GLRA1: variants seen among roughly 807,000 people sequenced by gnomAD.
GLRA1 encodes the protein glycine receptor alpha 1, also known as glycine receptor subunit alpha-1.
A neutral mutation model predicts 48.3 loss-of-function variants in GLRA1; 37 were observed. The ratio of observed to expected loss-of-function variants is 0.77; its 90% confidence interval spans 0.59 to 1.01. The LOEUF (loss-of-function observed/expected upper bound fraction) is 1.01. Among genes scored for constraint, GLRA1 ranks in the 50% least tolerant of loss-of-function variants. The pLI is 0.00. For synonymous variants in GLRA1, 196 were observed against 210.7 expected (o/e 0.93, Z 0.60); for missense variants, 427 against 571.0 (o/e 0.75, Z 2.57).
At chr5:151,848,383 T>G (rs1476290085) in intron 7 of GLRA1, among the ~76,000 whole-genome samples, 1 of 152,166 alleles carries the variant, frequency 6.6e-6, no homozygotes, top group Non-Finnish European at 1.5e-5. Flanking sequence ...TTTCTTTTTT[T>G]TTAGATGGAG....
At chr5:151,834,384 A>G (rs1450211520) in intron 7 of GLRA1, among the ~76,000 whole-genome samples, 1 of 152,236 alleles carries the variant, frequency 6.6e-6, no homozygotes, top group Non-Finnish European at 1.5e-5. Flanking sequence ...TACTGGGTAA[A>G]TAACGAAATT....
chr5:151,845,102 C>G (rs570938144), intron 7 of GLRA1, among the ~76,000 whole-genome samples: 19 of 152,136 alleles, frequency 1.2e-4, no homozygotes, highest in Non-Finnish European at 2.1e-4. Context: ...AGGTGTATTA[C>G]CTGTGGCCAG....
chr5:151,851,380 T>C lies in GLRA1; in HGVS notation c.912+10A>G, dbSNP rs1047432199. Reference sequence around the variant, plus strand: ...CCAGGTGTTCTGTGCTCTTGGGCAATGGGACTTACCTTGGGCAGAGATGCT... The same window carrying C: ...CCAGGTGTTCTGTGCTCTTGGGCAACGGGACTTACCTTGGGCAGAGATGCT... On this transcript the variant is annotated intron_variant, in intron 7 of 8. Transcript: ENST00000274576. 1 of 1,597,582 alleles carries C rather than the reference T, an allele frequency of 6.3e-7. No individual in the cohort carries two copies. The highest frequency in any genetic ancestry group is 8.6e-7 in the Non-Finnish European group (1 of 1,166,092).
chr5:151,864,729 A>C (rs906306057), intron 3 of GLRA1, among the ~76,000 whole-genome samples: 2 of 152,082 alleles, frequency 1.3e-5, no homozygotes, highest in African/African-American at 4.8e-5. Context: ...TTAATTGAGC[A>C]CTTCTTCACT....
In GLRA1 at chr5:151,924,814, GTT is replaced by G. The variant is rs943088639; in HGVS notation, c.-267_-266del. The G allele has an allele frequency of 1.9e-6, 1 of 516,348 alleles. No individual in the cohort carries two copies. Among genetic ancestry groups the G allele is most frequent in the African/African-American group, 1.9e-5 (1 of 51,316 alleles). 32.0% of individuals were successfully genotyped at this position (516,348 alleles called of 1,614,324 possible). On this transcript the variant is annotated 5_prime_UTR_variant, in exon 1 of 9. Coordinates refer to ENST00000274576, the MANE Select transcript of GLRA1 (RefSeq NM_000171.4). ...AGGAGCGCGAAGAGTATTGCTGTTT[GTT>G]AAACTCCAGCGTGTCTGTTGGCTCC... is the stretch of plus-strand genomic sequence containing the variant.
intron 1 of GLRA1, among the ~76,000 whole-genome samples, chr5:151,897,095 C>T (rs1754243140): frequency 6.6e-6 from 1 of 152,138 alleles, no homozygotes; most frequent in Admixed American, 6.6e-5. Flanking sequence ...CCTCACTGTG[C>T]TCTAGGCCAA....
intron 1 of GLRA1, among the ~76,000 whole-genome samples, chr5:151,905,569 T>G (rs1011913071): frequency 1.3e-5 from 2 of 152,304 alleles, no homozygotes; most frequent in East Asian, 3.9e-4. Flanking sequence ...CCTCTGTTCA[T>G]GTCCTAGAAG....
At chr5:151,867,989 A>C (rs1753379757) in intron 3 of GLRA1, among the ~76,000 whole-genome samples, 1 of 152,226 alleles carries the variant, frequency 6.6e-6, no homozygotes, top group Non-Finnish European at 1.5e-5. Context: ...CAGGTACAGA[A>C]AGACCTGCTT....
intron 7 of GLRA1, among the ~76,000 whole-genome samples, chr5:151,835,026 TCAAAAAAA>T (rs1763534211): frequency 3.9e-5 from 1 of 25,478 alleles, no homozygotes; most frequent in African/African-American, 2.0e-4. Flanking sequence ...AGACAACATC[TCAAAAAAA>T]AAAAAAAAAA....
intron 1 of GLRA1, among the ~76,000 whole-genome samples, chr5:151,900,798 CA>C (rs1445783833): frequency 3.9e-5 from 6 of 152,156 alleles, no homozygotes; most frequent in South Asian, 2.1e-4. Context: ...GAATTGGGGC[CA>C]TCAAGGTGTT....
At chr5:151,892,273 G>A in intron 2 of GLRA1, 38 bp downstream of exon 2, 3 of 1,599,600 alleles carry the variant, frequency 1.9e-6, no homozygotes, top group East Asian at 4.5e-5. Flanking sequence ...ATCTGGGAAA[G>A]CATTTCCCTG....
intron 7 of GLRA1, among the ~76,000 whole-genome samples, chr5:151,839,350 A>G (rs1195097976): frequency 6.6e-6 from 1 of 152,062 alleles, no homozygotes; most frequent in Non-Finnish European, 1.5e-5. Context: ...ATTCAAGACA[A>G]TATAAAAAAT....
chr5:151,904,136 TG>T (rs1249750720), intron 1 of GLRA1, among the ~76,000 whole-genome samples: 1 of 152,236 alleles, frequency 6.6e-6, no homozygotes, highest in Admixed American at 6.5e-5. Flanking sequence ...TGATGGATGA[TG>T]AAGAAACAAC....
At chr5:151,866,202 T>C (rs1414370556) in intron 3 of GLRA1, among the ~76,000 whole-genome samples, 2 of 152,186 alleles carry the variant, frequency 1.3e-5, no homozygotes, top group Non-Finnish European at 2.9e-5. Flanking sequence ...CCATCCTGCC[T>C]CTCAGATTCC....
intron 3 of GLRA1, among the ~76,000 whole-genome samples, chr5:151,868,077 A>G (rs937077283): frequency 1.4e-4 from 21 of 152,236 alleles, no homozygotes; most frequent in African/African-American, 5.1e-4. Context: ...TTGGAGCTAG[A>G]TGAGAGAATC....
intron 2 of GLRA1, among the ~76,000 whole-genome samples, chr5:151,890,909 A>G (rs575413572): frequency 7.0e-6 from 1 of 143,736 alleles, no homozygotes; most frequent in East Asian, 2.2e-4. Flanking sequence ...AGGAGCCTCA[A>G]GGTAAATGGG....
chr5:151,863,130 C>T (rs550572039), intron 3 of GLRA1, among the ~76,000 whole-genome samples: 8 of 152,270 alleles, frequency 5.3e-5, no homozygotes, highest in Non-Finnish European at 1.2e-4. Flanking sequence ...TGGTCAGGAG[C>T]GATGGCTCAT....
intron 7 of GLRA1, among the ~76,000 whole-genome samples, chr5:151,833,500 G>GC (rs1050826842): frequency 6.6e-6 from 1 of 151,944 alleles, no homozygotes; most frequent in Non-Finnish European, 1.5e-5. Context: ...TGCTCTTGTT[G>GC]CCCCCCAGGG....
At chr5:151,827,853 GCTT>G (rs932883476) in intron 8 of GLRA1, among the ~76,000 whole-genome samples, 1 of 152,032 alleles carries the variant, frequency 6.6e-6, no homozygotes, top group Admixed American at 6.6e-5. Context: ...CTGTCTGAAG[GCTT>G]CTTCTTTATT....
Sources: gnomAD v4.1 joint callset for allele counts (sites outside exome capture counted in the v4.1 genomes callset) on GRCh38, gnomAD v4.1.1 for gene constraint, MANE v1.5 for transcripts, NCBI Gene and HGNC (gene_info 2026-07-23, HGNC 2026-07-21) for gene names.